Variants in SNX29 observed in about 807,000 individuals in gnomAD.
SNX29 encodes sorting nexin 29.
In SNX29, 78 loss-of-function variants were observed where a neutral mutation model predicts 102.1. That is an observed-to-expected ratio of 0.76 (90% CI 0.64 to 0.92). SNX29 has a LOEUF of 0.92. Among genes scored for constraint, SNX29 ranks in the 40% least tolerant of loss-of-function variants. The pLI, the probability that SNX29 is intolerant of heterozygous loss-of-function variation, is 0.00. For synonymous variants in SNX29, 580 were observed against 414.5 expected (o/e 1.40, Z -4.85); for missense variants, 1,280 against 1,061.7 (o/e 1.21, Z -2.86).
chr16:12,441,353 G>T (rs2085801323), intron 18 of SNX29, among the ~76,000 whole-genome samples: 1 of 152,072 alleles, frequency 6.6e-6, no homozygotes, highest in Admixed American at 6.5e-5. Context: ...CTCCCAAAGT[G>T]CTGGGATTAC....
rs1208168796 is a variant in SNX29 at position 12,356,298 on chromosome 16, CTG to C, written c.1899+25_1899+26del. 6.4e-7 allele frequency: 1 copy of C among 1,572,972 alleles called. No individual in the cohort carries two copies. Among genetic ancestry groups the C allele is most frequent in the East Asian group, 2.3e-5 (1 of 42,568 alleles). ...GGGACCGGTGAGTGTTTCCCCAACC[CTG>C]TGTGTCTGTCAAGCCTCTGCTGCCC... On this transcript the variant is annotated intron_variant, in intron 16 of 20. Transcript: ENST00000566228.
At chr16:12,058,770 A>T (rs376787477) in intron 8 of SNX29, among the ~76,000 whole-genome samples, 49 of 145,260 alleles carry the variant, frequency 3.4e-4, no homozygotes, top group African/African-American at 1.2e-3. Flanking sequence ...TTGGGATTAC[A>T]GGTGTGAGCC....
chr16:12,213,850 G>T (rs1285628048), intron 14 of SNX29, among the ~76,000 whole-genome samples: 1 of 152,178 alleles, frequency 6.6e-6, no homozygotes, highest in Admixed American at 6.5e-5. Context: ...GAGACGTGGG[G>T]CTTATTTGGC....
At chr16:12,151,694 C>T (rs1011535653) in intron 13 of SNX29, among the ~76,000 whole-genome samples, 3 of 152,146 alleles carry the variant, frequency 2.0e-5, no homozygotes, top group Admixed American at 2.0e-4. Context: ...CATTTTCTCA[C>T]ACAACCTACT....
chr16:12,180,902 T>C (rs2076369264), intron 13 of SNX29, among the ~76,000 whole-genome samples: 1 of 152,226 alleles, frequency 6.6e-6, no homozygotes, highest in African/African-American at 2.4e-5. Context: ...GCAGCTTGTT[T>C]TCTGAGCTTT....
At chr16:12,549,530 C>CATATAGCCCAGT in intron 20 of SNX29, among the ~76,000 whole-genome samples, 1 of 151,854 alleles carries the variant, frequency 6.6e-6, no homozygotes, top group South Asian at 2.1e-4. Flanking sequence ...TCCTCTATCT[C>CATATAGCCCAGT]AAATAGCCAG....
chr16:12,274,370 T>G (rs2079181371), intron 14 of SNX29, among the ~76,000 whole-genome samples: 1 of 152,206 alleles, frequency 6.6e-6, no homozygotes, highest in Non-Finnish European at 1.5e-5. Context: ...AGTCTGTGAG[T>G]GAGGCTTGCT....
rs181146157 is a variant in SNX29, at chr16:12,398,442, G to T, written c.1900-4G>T. The T allele has an allele frequency of 1.1e-4, 179 of 1,613,964 alleles. No homozygotes were observed. In the East Asian group the frequency reaches 2.5e-3, roughly 22 times the overall value. On this transcript the variant is annotated splice_region_variant and splice_polypyrimidine_tract_variant and intron_variant, in intron 16 of 20. Coordinates refer to ENST00000566228, the MANE Select transcript of SNX29 (RefSeq NM_032167.5). Reference sequence around the variant, plus strand: ...CTCCCCTCTCCCCCTTCTCCTGATGGTAGGTGCCTGGAGATTTGAGTCAAA... The same window carrying T: ...CTCCCCTCTCCCCCTTCTCCTGATGTTAGGTGCCTGGAGATTTGAGTCAAA...
intron 3 of SNX29, among the ~76,000 whole-genome samples, chr16:12,015,631 G>T (rs893602982): frequency 1.3e-5 from 2 of 151,528 alleles, no homozygotes; most frequent in Admixed American, 6.6e-5. Flanking sequence ...CGCCTCCCGG[G>T]TTCACACCAT....
intron 13 of SNX29, among the ~76,000 whole-genome samples, chr16:12,136,179 C>A (rs1433938890): frequency 1.3e-5 from 2 of 152,242 alleles, no homozygotes; most frequent in Non-Finnish European, 2.9e-5. Context: ...GGGCCATTCT[C>A]TTCATGCTTC....
At chr16:12,505,439 T>G (rs1417825505) in intron 19 of SNX29, among the ~76,000 whole-genome samples, 9 of 152,214 alleles carry the variant, frequency 5.9e-5, no homozygotes, top group African/African-American at 2.2e-4. Flanking sequence ...ATGTGAGAGT[T>G]TATTTCTAGA....
At chr16:12,518,974 A>G (rs909164264) in intron 19 of SNX29, among the ~76,000 whole-genome samples, 5 of 152,142 alleles carry the variant, frequency 3.3e-5, no homozygotes, top group African/African-American at 1.2e-4. Context: ...CTGCCTGTGC[A>G]AGGGGTATAA....
chr16:12,345,650 G>C (rs963221644), intron 15 of SNX29, among the ~76,000 whole-genome samples: 2 of 152,206 alleles, frequency 1.3e-5, no homozygotes, highest in Admixed American at 1.3e-4. Context: ...TGGATGAATG[G>C]ATCGAAGGCG....
At chr16:12,443,206 C>G in intron 18 of SNX29, 1 of 348,226 alleles carries the variant, frequency 2.9e-6, no homozygotes, top group Admixed American at 3.8e-5. Context: ...GTAGATCCTG[C>G]TGGGGACATG....
intron 16 of SNX29, among the ~76,000 whole-genome samples, chr16:12,376,419 ATGAT>A (rs2082875750): frequency 6.6e-6 from 1 of 152,124 alleles, no homozygotes; most frequent in South Asian, 2.1e-4. Flanking sequence ...TTATGTAGGA[ATGAT>A]TGATTGGTCG....
At chr16:12,383,625 C>T (rs1021190726) in intron 16 of SNX29, among the ~76,000 whole-genome samples, 19 of 151,742 alleles carry the variant, frequency 1.3e-4, no homozygotes, top group East Asian at 5.8e-4. Context: ...TTAGTAAAGA[C>T]GGGTTTCACC....
chr16:12,162,672 T>G (rs1242359685), intron 13 of SNX29, among the ~76,000 whole-genome samples: 1 of 152,190 alleles, frequency 6.6e-6, no homozygotes, highest in Non-Finnish European at 1.5e-5. Context: ...GTTGATGACC[T>G]TGAGCTAGCC....
At chr16:12,343,785 G>A (rs1013164928) in intron 15 of SNX29, among the ~76,000 whole-genome samples, 5 of 152,156 alleles carry the variant, frequency 3.3e-5, no homozygotes, top group South Asian at 2.1e-4. Flanking sequence ...CTGGCACACC[G>A]TTGCTCAATA....
In SNX29 at chr16:12,571,278, T is replaced by A; in HGVS notation, c.*2649T>A. On this transcript the variant is annotated 3_prime_UTR_variant, in exon 21 of 21. Coordinates refer to ENST00000566228, the MANE Select transcript of SNX29 (RefSeq NM_032167.5). ...GCCTAGCAGAATTGTGGCTGAAACC[T>A]GGTGCCCAAATTCCACACCCTGGAA... 1 of 231,994 alleles carries A rather than the reference T, an allele frequency of 4.3e-6. No homozygotes were observed. The highest frequency in any genetic ancestry group is 8.5e-6 in the Non-Finnish European group (1 of 117,232). 14.4% of individuals were successfully genotyped at this position (231,994 alleles called of 1,614,324 possible).
Sources: gnomAD v4.1 joint callset for allele counts (sites outside exome capture counted in the v4.1 genomes callset) on GRCh38, gnomAD v4.1.1 for gene constraint, MANE v1.5 for transcripts, NCBI Gene and HGNC (gene_info 2026-07-23, HGNC 2026-07-21) for gene names.